SCN11A: variants seen among roughly 807,000 people sequenced by gnomAD.
SCN11A encodes sodium channel protein type 11 subunit alpha.
Under a neutral mutation model 162.2 loss-of-function variants are expected in SCN11A, and 122 were observed. The ratio of observed to expected loss-of-function variants is 0.75; its 90% CI spans 0.65 to 0.87. SCN11A has a LOEUF of 0.87. Among genes scored for constraint, SCN11A ranks in the 40% least tolerant of loss-of-function variants. SCN11A has a pLI of 0.00. For missense variants in SCN11A, 2,015 were observed against 2,181.6 expected (o/e 0.92, Z 1.52); for synonymous variants, 758 against 751.5 (o/e 1.01, Z -0.14).
At chr3:38,851,798 G>A (rs1287905799) in intron 28 of SCN11A, among the ~76,000 whole-genome samples, 5 of 152,176 alleles carry the variant, frequency 3.3e-5, no homozygotes, top group Non-Finnish European at 2.9e-5. Context: ...AGGCAAAGAT[G>A]ATGTTGGCTT....
At chr3:38,946,364 A>T (rs1430387004) in intron 6 of SCN11A, among the ~76,000 whole-genome samples, 1 of 152,210 alleles carries the variant, frequency 6.6e-6, no homozygotes, top group Non-Finnish European at 1.5e-5. Context: ...TTCATGTTAG[A>T]AAGTGTTTTT....
intron 2 of SCN11A, among the ~76,000 whole-genome samples, chr3:39,025,244 C>T (rs1456726554): frequency 6.6e-6 from 1 of 152,060 alleles, no homozygotes; most frequent in African/African-American, 2.4e-5. Context: ...CTTCTGAGAC[C>T]TTCCAGTCTC....
chr3:38,851,937 G>A (rs891635180), intron 28 of SCN11A, among the ~76,000 whole-genome samples: 2 of 152,218 alleles, frequency 1.3e-5, no homozygotes, highest in Non-Finnish European at 1.5e-5. Flanking sequence ...TATAGTTTCC[G>A]GTTGATAAAA....
At chr3:38,976,289 A>G (rs1385419444) in intron 2 of SCN11A, among the ~76,000 whole-genome samples, 2 of 152,120 alleles carry the variant, frequency 1.3e-5, no homozygotes, top group Non-Finnish European at 2.9e-5. Flanking sequence ...TTCCATACTT[A>G]TGAGGACTGT....
At chr3:38,914,069 T>C (rs1559528272) in intron 11 of SCN11A, among the ~76,000 whole-genome samples, 2 of 152,228 alleles carry the variant, frequency 1.3e-5, no homozygotes, top group African/African-American at 4.8e-5. Flanking sequence ...ACTGAATCTG[T>C]AAATTGCTCT....
Position 38,885,342 on chromosome 3 carries a change from C to T in SCN11A, c.3010G>A (p.Gly1004Arg), listed in dbSNP as rs757316631. Residue 1004 changes from glycine to arginine, a missense_variant, in exon 21 of 30, where the codon GGA becomes AGA. Coordinates refer to ENST00000302328, the MANE Select transcript of SCN11A (RefSeq NM_001349253.2). The stretch of plus-strand genomic sequence containing the variant: ...TTGGGAACCATCTCAGGTAACCATC[C>T]AAAGCCATCCTGAAGATCAATGGTG... Reference protein sequence around the residue: ...CSTIDLQDGFGWLPEMVPKKQ... With the variant: ...CSTIDLQDGFRWLPEMVPKKQ... The T allele has an allele frequency of 9.9e-6, 16 of 1,613,646 alleles. No individual in the cohort carries two copies. Among genetic ancestry groups the T allele is most frequent in the East Asian group, 2.2e-5 (1 of 44,896 alleles).
intron 28 of SCN11A, among the ~76,000 whole-genome samples, chr3:38,857,945 G>C (rs943230062): frequency 6.6e-6 from 1 of 152,012 alleles, no homozygotes; most frequent in Non-Finnish European, 1.5e-5. Context: ...ACAAATAAAT[G>C]CTGAGAGAAT....
chr3:38,862,978 G>T (rs1258890291), intron 28 of SCN11A, among the ~76,000 whole-genome samples: 1 of 152,084 alleles, frequency 6.6e-6, no homozygotes, highest in East Asian at 1.9e-4. Context: ...AGCACATATT[G>T]CCTGGCTCAC....
At chr3:39,019,512 G>A (rs2031390282) in intron 2 of SCN11A, among the ~76,000 whole-genome samples, 1 of 152,182 alleles carries the variant, frequency 6.6e-6, no homozygotes, top group Admixed American at 6.5e-5. Context: ...GCAATGCCAT[G>A]GTCTCCATGA....
At chr3:39,028,539 G>A (rs889106810) in intron 2 of SCN11A, among the ~76,000 whole-genome samples, 1 of 152,132 alleles carries the variant, frequency 6.6e-6, no homozygotes, top group Non-Finnish European at 1.5e-5. Context: ...CTGCTGTCTT[G>A]TCCTGTTTTC....
chr3:38,888,116 G>T (rs546142724), intron 19 of SCN11A, among the ~76,000 whole-genome samples: 9 of 152,328 alleles, frequency 5.9e-5, no homozygotes, highest in African/African-American at 2.2e-4. Flanking sequence ...CTGAGGTAAA[G>T]TTTTTGCACT....
chr3:38,917,083 C>T (rs969499455), intron 11 of SCN11A, among the ~76,000 whole-genome samples: 6 of 152,200 alleles, frequency 3.9e-5, no homozygotes, highest in African/African-American at 1.4e-4. Context: ...CATCATTGAT[C>T]ATTAGAGAAA....
At chr3:39,024,606 G>C (rs964340899) in intron 2 of SCN11A, among the ~76,000 whole-genome samples, 3 of 152,186 alleles carry the variant, frequency 2.0e-5, no homozygotes, top group Non-Finnish European at 4.4e-5. Context: ...CATAAAACCA[G>C]AACATAATAC....
chr3:38,968,926 A>G (rs2066800080), intron 2 of SCN11A, among the ~76,000 whole-genome samples: 1 of 152,342 alleles, frequency 6.6e-6, no homozygotes, highest in African/African-American at 2.4e-5. Context: ...TGGTAATAGT[A>G]TTTATATATG....
At chr3:38,885,461 T>C (rs1405785193) in intron 20 of SCN11A, 59 bp from the exon 21 acceptor site, 5 of 895,074 alleles carry the variant, frequency 5.6e-6, no homozygotes, top group African/African-American at 1.7e-5. Context: ...TTCACCATAG[T>C]AGTACGGAGT....
intron 2 of SCN11A, among the ~76,000 whole-genome samples, chr3:39,031,545 A>AAC (rs1559580131): frequency 5.3e-5 from 8 of 151,998 alleles, no homozygotes; most frequent in African/African-American, 1.7e-4. Flanking sequence ...AAACAAACAA[A>AAC]AAAAAAACAA....
intron 2 of SCN11A, among the ~76,000 whole-genome samples, chr3:38,963,304 A>C (rs1457358833): frequency 6.9e-6 from 1 of 145,678 alleles, no homozygotes; most frequent in African/African-American, 2.5e-5. Context: ...AAACAACCTA[A>C]ATGCCCATCA....
At chr3:38,871,805 T>C in intron 24 of SCN11A, 97 bp from the exon 25 acceptor site, 1 of 996,618 alleles carries the variant, frequency 1.0e-6, no homozygotes, top group East Asian at 2.5e-5. Flanking sequence ...GGGCTTGATC[T>C]CTTGGAGCTC....
chr3:38,864,957 C>T (rs1274449932), intron 27 of SCN11A, among the ~76,000 whole-genome samples: 2 of 152,076 alleles, frequency 1.3e-5, no homozygotes, highest in Non-Finnish European at 1.5e-5. Flanking sequence ...AAAATAGACT[C>T]GGTATTTGAT....
Sources: allele counts gnomAD v4.1 joint callset (sites outside exome capture counted in the v4.1 genomes callset), GRCh38; gene constraint gnomAD v4.1.1; transcripts MANE v1.5; gene names NCBI Gene and HGNC (gene_info 2026-07-23, HGNC 2026-07-21).